FCAMR: variants seen among roughly 807,000 people sequenced by gnomAD.
The protein encoded by FCAMR is Fc alpha and mu receptor, also known as high affinity immunoglobulin alpha and immunoglobulin mu Fc receptor.
A neutral mutation model predicts 52.2 loss-of-function variants in FCAMR; 51 were observed. The ratio of observed to expected loss-of-function variants is 0.98; its 90% confidence interval spans 0.78 to 1.23. The LOEUF is 1.23. Among genes scored for constraint, FCAMR ranks in the 50% most tolerant of loss-of-function variants. The pLI is 0.00. For missense variants in FCAMR, 719 were observed against 712.6 expected, an observed-to-expected ratio of 1.01 and a Z score of -0.10; for synonymous variants, 282 against 262.0, an observed-to-expected ratio of 1.08 and a Z score of -0.74.
intron 4 of FCAMR, 31 bp downstream of exon 4, chr1:206,965,684 T>C (rs1035902191): frequency 1.3e-6 from 2 of 1,532,978 alleles, no homozygotes; most frequent in Non-Finnish European, 1.7e-6. Context: ...CTGAGGTCCA[T>C]GGTCGAACAA....
rs12119983 is a variant in FCAMR at position 206,958,226 on chromosome 1, T to G, written c.*290A>C. The G allele has an allele frequency of 0.27, 81,405 of 306,348 alleles. 11,875 individuals are homozygous for G. The highest frequency in any genetic ancestry group is 0.39 in the Middle Eastern group (452 of 1,156). 19.0% of individuals were successfully genotyped at this position (306,348 alleles called of 1,614,324 possible). A position where few individuals can be genotyped will look rare whatever the true frequency, so the allele number is the denominator to read the frequency against. On this transcript the variant is annotated 3_prime_UTR_variant, in exon 8 of 8. Coordinates refer to ENST00000324852, the MANE Select transcript of FCAMR (RefSeq NM_001170631.2). ...CACTGATTGGAAGCCTCTTCTATTT[T>G]CAAACATTCAGGAATGGAAATTTCA...
Position 206,967,049 on chromosome 1 carries a change from C to T in FCAMR, c.169+3G>A, listed in dbSNP as rs977245248. 7 of 1,613,716 alleles carry T rather than the reference C, an allele frequency of 4.3e-6. No individual in the cohort carries two copies. Among genetic ancestry groups the T allele is most frequent in the Non-Finnish European group, 5.9e-6 (7 of 1,180,004 alleles). On this transcript the variant is annotated splice_donor_region_variant and intron_variant, in intron 3 of 7. Transcript: ENST00000324852. ...CTGAACCTGGGCTGGGTTTGGGACT[C>T]ACCTTGTAGCAGGCACAGTATGAGG...
At chr1:206,967,523 A>G (rs1572668386) in intron 2 of FCAMR, 60 bp downstream of exon 2, 1 of 1,556,878 alleles carries the variant, frequency 6.4e-7, no homozygotes, top group African/African-American at 1.4e-5. Flanking sequence ...AGTCTCAGGG[A>G]TTCGATTCCT....
At chr1:206,961,453 T>C (rs1680505029) in intron 5 of FCAMR, among the ~76,000 whole-genome samples, 2 of 152,230 alleles carry the variant, frequency 1.3e-5, no homozygotes, top group South Asian at 4.1e-4. Context: ...ATACTCCTAT[T>C]TCCTTCTCCC....
intron 7 of FCAMR, among the ~76,000 whole-genome samples, chr1:206,959,475 T>TAAAAA (rs371737879): frequency 3.9e-5 from 3 of 76,324 alleles, no homozygotes; most frequent in Non-Finnish European, 5.6e-5. Flanking sequence ...AGAGTCTGTC[T>TAAAAA]AAAAAAAAAA....
chr1:206,967,889 A>G (rs2000056), intron 1 of FCAMR, among the ~76,000 whole-genome samples: 27,723 of 152,196 alleles, frequency 0.18, 2,606 homozygotes, highest in East Asian at 0.33. Flanking sequence ...CAGAGGGGAC[A>G]GCTTTGTATT....
intron 5 of FCAMR, among the ~76,000 whole-genome samples, chr1:206,961,760 G>T (rs1680516844): frequency 6.6e-6 from 1 of 152,230 alleles, no homozygotes; most frequent in African/African-American, 2.4e-5. Flanking sequence ...GAGGGCCTAG[G>T]CCTGGGAGCT....
chr1:206,967,455 T>C, intron 2 of FCAMR, 128 bp downstream of exon 2: 9 of 1,012,678 alleles, frequency 8.9e-6, no homozygotes, highest in Non-Finnish European at 1.4e-5. Flanking sequence ...CACCGTGTAG[T>C]GGAAAGGCCA....
chr1:206,964,305 G>T (rs1346323397), intron 4 of FCAMR, among the ~76,000 whole-genome samples: 1 of 152,108 alleles, frequency 6.6e-6, no homozygotes, highest in Non-Finnish European at 1.5e-5. Flanking sequence ...TCTTGCGGTA[G>T]GATGTGGATG....
chr1:206,961,863 T>A (rs1680519560), intron 5 of FCAMR, among the ~76,000 whole-genome samples: 1 of 152,280 alleles, frequency 6.6e-6, no homozygotes, highest in Non-Finnish European at 1.5e-5. Flanking sequence ...TCCTCTGCAG[T>A]GCTGCCGCTT....
chr1:206,969,950 C>A, intron 1 of FCAMR, 137 bp downstream of exon 1: 1 of 979,992 alleles, frequency 1.0e-6, no homozygotes. Flanking sequence ...GACTCTAGAA[C>A]CCTTACCTGG....
Position 206,960,682 on chromosome 1 carries a change from A to C in FCAMR, c.1194T>G (p.Ser398=). ...CAATGGAACCCTGAGATTGTTGCTT[A>C]GAAACTGGCGTTGCTTGTGGGAGGA... ...WEILPQATPV[S]KQQSQGSIGE... is the part of the protein sequence containing the mutation. The change falls in exon 6 of 8, where the codon TCT becomes TCG. Residue 398 remains serine (S), a synonymous_variant. Transcript: ENST00000324852. The C allele has an allele frequency of 6.4e-7, 1 of 1,552,128 alleles. No homozygotes were observed. Among genetic ancestry groups the C allele is most frequent in the South Asian group, 1.2e-5 (1 of 84,064 alleles).
In FCAMR at chr1:206,961,218, C is replaced by T. The variant is rs757629990; in HGVS notation, c.658G>A (p.Ala220Thr). 2.1e-5 allele frequency: 33 copies of T among 1,544,578 alleles called. No homozygotes were observed. Among genetic ancestry groups the T allele is most frequent in the African/African-American group, 6.9e-5 (5 of 72,830 alleles). Residue 220 changes from alanine to threonine, a missense_variant, in exon 6 of 8, where the codon GCC becomes ACC. Transcript: ENST00000324852. ...SMNLTISAGP[A>T]STLPTATPAA... The stretch of plus-strand genomic sequence containing the variant: ...GGAGTGGCTGTGGGGAGGGTGCTGG[C>T]GGGACCTGTGTGGACAGCAGAGGGA...
rs768896930 is a variant in FCAMR at position 206,962,353 on chromosome 1, G to A, written c.512C>T (p.Ala171Val). 4 of 1,614,204 alleles carry A rather than the reference G, an allele frequency of 2.5e-6. No homozygotes were observed. The highest frequency in any genetic ancestry group is 1.6e-4 in the Middle Eastern group (1 of 6,062). The change falls in exon 5 of 8, where the codon GCC (alanine) becomes GTC (valine). Residue 171 changes from alanine to valine, a missense_variant. Transcript: ENST00000324852. ...GCCTCTCTGTGGAAAGTCTGTGAGGGCCACACGGTCACGATAGCGATGGTG... is the reference window on the plus strand; with the variant it reads ...GCCTCTCTGTGGAAAGTCTGTGAGGACCACACGGTCACGATAGCGATGGTG... The part of the protein sequence containing the change: ...YTHHRYRDRV[A>V]LTDFPQRGLF...
Position 206,967,070 on chromosome 1 carries a change from T to C in FCAMR, c.151A>G (p.Ile51Val), listed in dbSNP as rs1424069048. 6.2e-7 allele frequency: 1 copy of C among 1,613,942 alleles called. No individual in the cohort carries two copies. The highest frequency in any genetic ancestry group is 8.5e-7 in the Non-Finnish European group (1 of 1,179,996). Reference protein sequence around the residue: ...RAGWKMPLFLILCLLQGSSFA... With the variant: ...RAGWKMPLFLVLCLLQGSSFA... ...GACTCACCTTGTAGCAGGCACAGTATGAGGAAGAGGGGCATTTTCCATCCC... is the reference window on the plus strand; with the variant it reads ...GACTCACCTTGTAGCAGGCACAGTACGAGGAAGAGGGGCATTTTCCATCCC... The change falls in exon 3 of 8, where the codon ATA becomes GTA. Residue 51 changes from isoleucine (I) to valine (V), a missense_variant. By Grantham distance (29) the Ile-to-Val change is conservative. Transcript: ENST00000324852.
intron 4 of FCAMR, among the ~76,000 whole-genome samples, chr1:206,965,496 G>A (rs901752846): frequency 1.3e-5 from 2 of 152,190 alleles, no homozygotes; most frequent in African/African-American, 4.8e-5. Context: ...TAGGGTCAAT[G>A]TGTGCCCACC....
At chr1:206,967,459 A>G (rs1452961823) in intron 2 of FCAMR, 124 bp downstream of exon 2, 1 of 1,048,302 alleles carries the variant, frequency 9.5e-7, no homozygotes, top group African/African-American at 1.6e-5. Context: ...GTGTAGTGGA[A>G]AGGCCACGTT....
chr1:206,961,169 C>A lies in FCAMR; in HGVS notation c.707G>T (p.Arg236Ile), dbSNP rs200011175. The change falls in exon 6 of 8, where the codon AGA becomes ATA. Residue 236 changes from arginine to isoleucine, a missense_variant. By Grantham distance (97) the Arg-to-Ile change is moderately conservative. Transcript: ENST00000324852. ...CACTGGAGACGCTGTTCCATAGGAT[C>A]TCATGGTGAGCTCCCCAGCAGCTGG... The part of the protein sequence containing the change: ...ATPAAGELTM[R>I]SYGTASPVAN... 1.3e-6 allele frequency: 2 copies of A among 1,551,570 alleles called. No homozygotes were observed. Among genetic ancestry groups the A allele is most frequent in the Non-Finnish European group, 1.7e-6 (2 of 1,146,940 alleles).
intron 1 of FCAMR, among the ~76,000 whole-genome samples, chr1:206,967,888 C>T (rs139482218): frequency 7.4e-4 from 113 of 152,312 alleles, no homozygotes; most frequent in Non-Finnish European, 1.2e-3. Flanking sequence ...CCAGAGGGGA[C>T]AGCTTTGTAT....
Sources: allele counts gnomAD v4.1 joint callset (sites outside exome capture counted in the v4.1 genomes callset), GRCh38; gene constraint gnomAD v4.1.1; transcripts MANE v1.5; gene names NCBI Gene and HGNC (gene_info 2026-07-23, HGNC 2026-07-21).